Variants in TRIP12 observed in about 807,000 individuals in gnomAD.
TRIP12 encodes thyroid hormone receptor interactor 12.
A neutral mutation model predicts 244.2 loss-of-function variants in TRIP12; 25 were observed. The ratio of observed to expected loss-of-function variants is 0.10; its 90% confidence interval spans 0.07 to 0.14. TRIP12 has a LOEUF of 0.14. Among genes scored for constraint, TRIP12 ranks in the 10% least tolerant of loss-of-function variants. TRIP12 has a pLI of 1.00. For synonymous variants in TRIP12, 905 were observed against 873.1 expected (o/e 1.04, Z -0.64); for missense variants, 1,677 against 2,486.4 (o/e 0.67, Z 6.92).
intron 1 of TRIP12, among the ~76,000 whole-genome samples, chr2:229,903,854 C>A (rs192701381): frequency 7.4e-4 from 107 of 144,108 alleles, no homozygotes; most frequent in Middle Eastern, 3.5e-3. Context: ...CATGTTGTCT[C>A]TACCAAAAAT....
intron 1 of TRIP12, among the ~76,000 whole-genome samples, chr2:229,892,753 C>T (rs542221767): frequency 6.6e-6 from 1 of 152,076 alleles, no homozygotes; most frequent in African/African-American, 2.4e-5. Flanking sequence ...CTAGTCCCAG[C>T]GACTTTCGGG....
chr2:229,819,666 C>T (rs996142408), intron 8 of TRIP12, among the ~76,000 whole-genome samples: 1 of 152,200 alleles, frequency 6.6e-6, no homozygotes, highest in Admixed American at 6.5e-5. Flanking sequence ...TATGATGTTA[C>T]TTTTAAAGCT....
At chr2:229,791,434 G>A (rs1433168474) in intron 29 of TRIP12, among the ~76,000 whole-genome samples, 183 bp from the exon 30 acceptor site, 1 of 152,178 alleles carries the variant, frequency 6.6e-6, no homozygotes, top group Non-Finnish European at 1.5e-5. Context: ...TTCCCAGGAG[G>A]GGCTGCCTCA....
At chr2:229,821,343 G>A (rs989510615) in intron 8 of TRIP12, among the ~76,000 whole-genome samples, 1 of 152,142 alleles carries the variant, frequency 6.6e-6, no homozygotes, top group African/African-American at 2.4e-5. Flanking sequence ...TCATTTAAGG[G>A]TCTCTCTCAG....
intron 1 of TRIP12, among the ~76,000 whole-genome samples, chr2:229,888,424 G>C (rs913135515): frequency 6.6e-6 from 1 of 151,968 alleles, no homozygotes; most frequent in African/African-American, 2.4e-5. Context: ...ATGAAATATT[G>C]GGAAATGCTA....
intron 1 of TRIP12, among the ~76,000 whole-genome samples, chr2:229,911,102 C>T (rs2074195101): frequency 6.6e-6 from 1 of 152,180 alleles, no homozygotes; most frequent in Non-Finnish European, 1.5e-5. Context: ...AGCTGGGTGG[C>T]TGTTTTACAG....
chr2:229,819,040 CCACACACACACACACACACA>C (rs370625320), intron 8 of TRIP12, among the ~76,000 whole-genome samples: 8 of 134,050 alleles, frequency 6.0e-5, no homozygotes, highest in African/African-American at 1.4e-4. Flanking sequence ...AAAATAAAAA[CCACACACACACACACACACA>C]CACACACACA....
At chr2:229,797,904 T>C (rs941483179) in intron 23 of TRIP12, 73 bp from the exon 24 acceptor site, 21 of 1,435,350 alleles carry the variant, frequency 1.5e-5, no homozygotes, top group East Asian at 4.6e-5. Flanking sequence ...TCAAGGCAAA[T>C]AGCTGCTACA....
At chr2:229,823,687 C>A (rs1220481273) in intron 8 of TRIP12, among the ~76,000 whole-genome samples, 17 of 129,758 alleles carry the variant, frequency 1.3e-4, no homozygotes, top group African/African-American at 2.5e-4. Context: ...AAAAAAAAAA[C>A]AACAACAACA....
At chr2:229,853,338 C>A (rs1381745238) in intron 4 of TRIP12, among the ~76,000 whole-genome samples, 2 of 152,184 alleles carry the variant, frequency 1.3e-5, no homozygotes, top group African/African-American at 4.8e-5. Flanking sequence ...CATCCACCCA[C>A]TGAATCTAAT....
chr2:229,858,659 TA>T, intron 4 of TRIP12, 112 bp downstream of exon 4: 1 of 896,008 alleles, frequency 1.1e-6, no homozygotes, highest in Non-Finnish European at 1.7e-6. Context: ...GTAATACATC[TA>T]AGATTATCTA....
chr2:229,888,119 T>C (rs912936029), intron 1 of TRIP12, among the ~76,000 whole-genome samples: 2 of 152,260 alleles, frequency 1.3e-5, no homozygotes, highest in East Asian at 3.8e-4. Context: ...CTAAAAGTCA[T>C]GCTTTTAACT....
intron 1 of TRIP12, among the ~76,000 whole-genome samples, chr2:229,907,994 T>C (rs529285542): frequency 1.3e-5 from 2 of 151,450 alleles, no homozygotes; most frequent in South Asian, 2.1e-4. Flanking sequence ...GTTATTCAAC[T>C]AGTAATGTTG....
rs750358893 is a variant in TRIP12 at position 229,829,206 on chromosome 2, A to C, written c.1437T>G (p.Ile479Met). ...ATTTTTACTTACTAGCTCCACTTCCAATTGTTCTATGGAAAAGCTGTGACA... is the reference window on the plus strand; with the variant it reads ...ATTTTTACTTACTAGCTCCACTTCCCATTGTTCTATGGAAAAGCTGTGACA... ...PRMSQLFHRT[I>M]GSGASSKAQQ... is the part of the protein sequence containing the mutation. Residue 479 changes from isoleucine to methionine, a missense_variant, in exon 8 of 42, where the codon ATT (isoleucine) becomes ATG (methionine). Around this residue, in one of 11 missense-constraint regions of TRIP12, gnomAD observed 143 missense variants for 215.6 expected, o/e 0.66. Coordinates refer to ENST00000675903, the MANE Select transcript of TRIP12 (RefSeq NM_001348323.3). 11 of 1,613,882 alleles carry C rather than the reference A, an allele frequency of 6.8e-6. No homozygotes were observed. In the African/African-American group the frequency reaches 1.5e-4, roughly 22 times the overall value.
chr2:229,879,914 G>T, intron 2 of TRIP12, 68 bp downstream of exon 2: 1 of 1,558,800 alleles, frequency 6.4e-7, no homozygotes, highest in Non-Finnish European at 8.8e-7. Context: ...TTTGGACCTC[G>T]CAAGGAGGCT....
chr2:229,858,693 A>T, intron 4 of TRIP12, 79 bp downstream of exon 4: 1 of 1,287,526 alleles, frequency 7.8e-7, no homozygotes, highest in Non-Finnish European at 1.1e-6. Context: ...AAAAACCCTT[A>T]ACTTTAAAGC....
intron 21 of TRIP12, among the ~76,000 whole-genome samples, chr2:229,799,992 C>T (rs1182710867): frequency 6.6e-6 from 1 of 152,022 alleles, no homozygotes; most frequent in Non-Finnish European, 1.5e-5. Context: ...TATATAAGTA[C>T]ATAAAGCAAA....
chr2:229,831,072 A>G (rs2053215921), intron 6 of TRIP12: 2 of 698,190 alleles, frequency 2.9e-6, no homozygotes, highest in Admixed American at 4.6e-5. Context: ...CTTGTTTTTC[A>G]TTTATATGTG....
Position 229,856,491 on chromosome 2 carries a change from A to T in TRIP12, c.1027+2281T>A, listed in dbSNP as rs570229485. Among the ~76,000 whole-genome samples, 10 of 152,312 alleles carry T rather than the reference A, an allele frequency of 6.6e-5. 1 individual carries two copies. In the South Asian group the frequency reaches 1.4e-3, roughly 22 times the overall value. On this transcript the variant is annotated intron_variant, in intron 4 of 41. Transcript: ENST00000675903. ...AATCAAGTTAACAGACTATATAAAG[A>T]AAAGAAAGCTGATCTCTACAAAGGA...
Sources: allele counts gnomAD v4.1 joint callset (sites outside exome capture counted in the v4.1 genomes callset), GRCh38; gene constraint gnomAD v4.1.1; regional missense constraint gnomAD v4.1.1; transcripts MANE v1.5; gene names NCBI Gene and HGNC (gene_info 2026-07-23, HGNC 2026-07-21).